GALNTL6: variants seen among roughly 807,000 people sequenced by gnomAD.
GALNTL6 encodes polypeptide N-acetylgalactosaminyltransferase like 6.
GALNTL6 carries 46 observed loss-of-function variants against 73.7 expected under a neutral mutation model. The ratio of observed to expected loss-of-function variants is 0.62; its 90% CI spans 0.49 to 0.80. The LOEUF is 0.80. Ranked by LOEUF, GALNTL6 falls within the 30% of genes least tolerant of loss-of-function variation. The probability of loss-of-function intolerance (pLI) is 0.00; values close to 1 mark genes in which losing one functional copy is unlikely to be tolerated. For missense variants in GALNTL6, 604 were observed against 755.0 expected (o/e 0.80, Z 2.34); for synonymous variants, 259 against 263.7 (o/e 0.98, Z 0.17).
intron 7 of GALNTL6, among the ~76,000 whole-genome samples, chr4:172,834,931 G>C (rs1742829737): frequency 6.6e-6 from 1 of 152,172 alleles, no homozygotes; most frequent in Admixed American, 6.5e-5. Context: ...TTAAACTGGG[G>C]GAAAATTATA....
At chr4:172,845,078 C>T (rs1198603783) in intron 7 of GALNTL6, among the ~76,000 whole-genome samples, 3 of 151,632 alleles carry the variant, frequency 2.0e-5, no homozygotes, top group Non-Finnish European at 2.9e-5. Flanking sequence ...ATTAGCTGGG[C>T]GTGGTGGCAT....
At chr4:171,825,645 C>A (rs1439407067) in intron 2 of GALNTL6, among the ~76,000 whole-genome samples, 1 of 152,040 alleles carries the variant, frequency 6.6e-6, no homozygotes, top group African/African-American at 2.4e-5. Context: ...AGATAGAGTT[C>A]AAGAAAAGTG....
At position 172,528,952 on chromosome 4, in the gene GALNTL6, C is replaced by CATATATATATATATAT. The variant is rs765904258; in HGVS notation, c.553+180275_553+180276insATATATATATATATAT. On this transcript the variant is annotated intron_variant, in intron 5 of 12. Coordinates refer to ENST00000506823, the MANE Select transcript of GALNTL6 (RefSeq NM_001034845.3). ...TTCAGAGACTTTGTTTTCCCAAAGG[C>CATATATATATATATAT]ATATATATATATGTGTGTGTATATT... 4.7e-3 allele frequency among the ~76,000 whole-genome samples: 109 copies of CATATATATATATATAT among 23,338 alleles called. 12 individuals are homozygous for CATATATATATATATAT. The South Asian group carries it at 0.049, about 10-fold the overall frequency. The allele number at this position is 23,338 out of a possible 152,430, so 15.3% of individuals were successfully genotyped here. A position where few individuals can be genotyped will look rare whatever the true frequency, so the allele number is the denominator to read the frequency against.
At position 172,621,900 on chromosome 4, in the gene GALNTL6, A is replaced by T. The variant is rs186425293; in HGVS notation, c.554-187461A>T. ...TCTTTAATCTTAGAATTTAAGAATA[A>T]TACCAAGGTTTGCTTGGATGTGTGT... On this transcript the variant is annotated intron_variant, in intron 5 of 12. Transcript: ENST00000506823. Among the ~76,000 whole-genome samples the T allele has an allele frequency of 6.6e-5, 10 of 152,234 alleles. No individual in the cohort carries two copies. The East Asian group carries it at 1.7e-3, about 27-fold the overall frequency.
chr4:172,316,960 G>A (rs1246200508), intron 4 of GALNTL6, among the ~76,000 whole-genome samples: 1 of 152,164 alleles, frequency 6.6e-6, no homozygotes, highest in African/African-American at 2.4e-5. Flanking sequence ...ACTACAGTAA[G>A]CTTTGTAACC....
chr4:172,285,070 A>G lies in GALNTL6; in HGVS notation c.248-26544A>G, dbSNP rs1345806100. ...GTAATAATATTAATTCTTCTGATCT[A>G]TGAGCATGTGATATTTTTCTAATTG... On this transcript the variant is annotated intron_variant, in intron 3 of 12. Transcript: ENST00000506823. 2.0e-5 allele frequency among the ~76,000 whole-genome samples: 3 copies of G among 152,156 alleles called. No homozygotes were observed. In the East Asian group the frequency reaches 5.8e-4, roughly 29 times the overall value.
rs1298620583 is a variant in GALNTL6, at chr4:172,125,529, C to T, written c.139-104127C>T. ...CCAAAGCTCAGTCTTTAGAAAGACA[C>T]ACAAATAATTCTCTTACAATTATAG... is the stretch of plus-strand genomic sequence containing the variant. On this transcript the variant is annotated intron_variant, in intron 2 of 12. Coordinates refer to ENST00000506823, the MANE Select transcript of GALNTL6 (RefSeq NM_001034845.3). 2.0e-5 allele frequency among the ~76,000 whole-genome samples: 3 copies of T among 152,126 alleles called. No homozygotes were observed. In the East Asian group the frequency reaches 5.8e-4, roughly 29 times the overall value.
At chr4:172,852,195 C>T (rs1360682861) in intron 7 of GALNTL6, among the ~76,000 whole-genome samples, 1 of 152,072 alleles carries the variant, frequency 6.6e-6, no homozygotes, top group Non-Finnish European at 1.5e-5. Flanking sequence ...CTCAGCAGCT[C>T]AGCATATTCG....
intron 10 of GALNTL6, among the ~76,000 whole-genome samples, chr4:172,963,500 T>A (rs1561059057): frequency 6.6e-6 from 1 of 152,242 alleles, no homozygotes; most frequent in Non-Finnish European, 1.5e-5. Context: ...TTTGTTGTGT[T>A]GCTACTGCTC....
Position 172,499,786 on chromosome 4 carries a change from A to G in GALNTL6, c.553+151097A>G, listed in dbSNP as rs576012514. On this transcript the variant is annotated intron_variant, in intron 5 of 12. Transcript: ENST00000506823. ...CAACGAGTAGAAATACTAAAACCAA[A>G]TTTTAAAACTCACTGCATGGTCTCA... is the stretch of plus-strand genomic sequence containing the variant. 1.8e-3 allele frequency among the ~76,000 whole-genome samples: 268 copies of G among 152,330 alleles called. 1 individual carries two copies. The highest frequency in any genetic ancestry group is 6.1e-3 in the African/African-American group (254 of 41,578).
At chr4:172,215,786 TCTC>T (rs1197771591) in intron 2 of GALNTL6, among the ~76,000 whole-genome samples, 1 of 152,156 alleles carries the variant, frequency 6.6e-6, no homozygotes, top group Non-Finnish European at 1.5e-5. Flanking sequence ...GCTTCTTTAA[TCTC>T]CTCTTTTTCT....
At chr4:171,919,265 A>C (rs1348219599) in intron 2 of GALNTL6, among the ~76,000 whole-genome samples, 1 of 152,004 alleles carries the variant, frequency 6.6e-6, no homozygotes, top group African/African-American at 2.4e-5. Context: ...ATAGCCAATT[A>C]GCAGCTCCTG....
chr4:171,987,363 A>G (rs905357564), intron 2 of GALNTL6, among the ~76,000 whole-genome samples: 7 of 152,218 alleles, frequency 4.6e-5, no homozygotes, highest in African/African-American at 1.7e-4. Context: ...CTGGTCTATT[A>G]TCAGACTGTA....
intron 10 of GALNTL6, among the ~76,000 whole-genome samples, chr4:172,996,786 C>T (rs1751810950): frequency 6.6e-6 from 1 of 152,162 alleles, no homozygotes; most frequent in Admixed American, 6.5e-5. Context: ...TTCCAGTGAA[C>T]TGTATGAGTC....
chr4:171,988,326 A>G (rs1352653041), intron 2 of GALNTL6, among the ~76,000 whole-genome samples: 3 of 152,206 alleles, frequency 2.0e-5, no homozygotes. Context: ...TATGAGAATT[A>G]TGCCAAGATA....
intron 5 of GALNTL6, among the ~76,000 whole-genome samples, chr4:172,408,646 A>G (rs191924338): frequency 1.8e-3 from 276 of 151,818 alleles, no homozygotes; most frequent in Non-Finnish European, 2.8e-3. Flanking sequence ...ACCCAAAACC[A>G]TAAACTATTT....
chr4:172,613,507 T>C (rs1000240259), intron 5 of GALNTL6, among the ~76,000 whole-genome samples: 28 of 152,030 alleles, frequency 1.8e-4, no homozygotes, highest in Admixed American at 1.2e-3. Flanking sequence ...TTATTCGAGA[T>C]GTCATAGAAA....
chr4:172,612,129 G>A (rs1738547670), intron 5 of GALNTL6, among the ~76,000 whole-genome samples: 1 of 152,022 alleles, frequency 6.6e-6, no homozygotes, highest in Admixed American at 6.6e-5. Context: ...GCTAATAATA[G>A]TCTCTCATGA....
At chr4:172,290,349 G>C (rs1739421659) in intron 3 of GALNTL6, among the ~76,000 whole-genome samples, 1 of 152,146 alleles carries the variant, frequency 6.6e-6, no homozygotes, top group Admixed American at 6.5e-5. Context: ...CAAAAAAAGA[G>C]TATCAACATT....
Sources: gnomAD v4.1 joint callset for allele counts (sites outside exome capture counted in the v4.1 genomes callset) on GRCh38, gnomAD v4.1.1 for gene constraint, MANE v1.5 for transcripts, NCBI Gene and HGNC (gene_info 2026-07-23, HGNC 2026-07-21) for gene names.